The following NR5A2 variants were observed in gnomAD, a reference collection of about 807,000 sequenced individuals.
The protein encoded by NR5A2 is nuclear receptor subfamily 5 group A member 2.
NR5A2 carries 26 observed loss-of-function variants against 62.7 expected under a neutral mutation model. The ratio of observed to expected loss-of-function variants is 0.41; its 90% CI spans 0.30 to 0.58. NR5A2 has a LOEUF of 0.58. Among genes scored for constraint, NR5A2 ranks in the 20% least tolerant of loss-of-function variants. The pLI, the probability that NR5A2 is intolerant of heterozygous loss-of-function variation, is 0.22. For synonymous variants in NR5A2, 246 were observed against 241.7 expected (o/e 1.02, Z -0.16); for missense variants, 541 against 669.1 (o/e 0.81, Z 2.11).
intron 7 of NR5A2, among the ~76,000 whole-genome samples, chr1:200,140,280 T>C (rs768092483): frequency 2.7e-4 from 41 of 152,204 alleles, no homozygotes; most frequent in Non-Finnish European, 1.0e-4. Flanking sequence ...TCTCACTATG[T>C]TGCCCAGGCT....
intron 5 of NR5A2, among the ~76,000 whole-genome samples, chr1:200,082,900 T>C (rs1452069479): frequency 6.6e-6 from 1 of 151,988 alleles, no homozygotes; most frequent in African/African-American, 2.4e-5. Flanking sequence ...AAGCATTTAA[T>C]TTTTTTTCTG....
At chr1:200,037,532 G>A (rs541828290) in intron 1 of NR5A2, among the ~76,000 whole-genome samples, 1 of 152,318 alleles carries the variant, frequency 6.6e-6, no homozygotes, top group East Asian at 1.9e-4. Context: ...GAGCAAAGCA[G>A]GGCAACCACT....
intron 7 of NR5A2, among the ~76,000 whole-genome samples, chr1:200,127,303 C>T (rs1666746067): frequency 6.6e-6 from 1 of 152,086 alleles, no homozygotes; most frequent in Non-Finnish European, 1.5e-5. Context: ...GGGTCCACTT[C>T]TGCTCAAAAT....
chr1:200,086,392 C>T (rs893472774), intron 5 of NR5A2, among the ~76,000 whole-genome samples: 1 of 152,070 alleles, frequency 6.6e-6, no homozygotes, highest in African/African-American at 2.4e-5. Context: ...CAACCTCTGC[C>T]TCCTGGGTTC....
At chr1:200,124,162 T>C (rs1666601760) in intron 7 of NR5A2, among the ~76,000 whole-genome samples, 1 of 152,110 alleles carries the variant, frequency 6.6e-6, no homozygotes, top group South Asian at 2.1e-4. Flanking sequence ...AAACCAGTTA[T>C]AGGTTTCAAG....
chr1:200,072,339 G>A (rs185803450), intron 5 of NR5A2, among the ~76,000 whole-genome samples: 252 of 152,216 alleles, frequency 1.7e-3, no homozygotes, highest in African/African-American at 5.6e-3. Flanking sequence ...GTTATAGTCT[G>A]TTGATTAATA....
intron 7 of NR5A2, among the ~76,000 whole-genome samples, chr1:200,162,319 C>A (rs764887152): frequency 1.3e-5 from 2 of 152,126 alleles, no homozygotes; most frequent in Non-Finnish European, 1.5e-5. Flanking sequence ...ATGATATCTG[C>A]GCTGAGGCCC....
At chr1:200,043,471 T>C (rs1156845393) in intron 2 of NR5A2, among the ~76,000 whole-genome samples, 1 of 152,268 alleles carries the variant, frequency 6.6e-6, no homozygotes, top group Admixed American at 6.5e-5. Context: ...ATGCAATTCA[T>C]GTCTCTATTT....
Position 200,147,330 on chromosome 1 carries a change from A to G in NR5A2, c.1378+26375A>G, listed in dbSNP as rs769105189. ...CTACTGTGCGCTCCTCTCCTCATCCAGCAAAGCTCGGCCTACATGGAGGTT... is the reference window on the plus strand; with the variant it reads ...CTACTGTGCGCTCCTCTCCTCATCCGGCAAAGCTCGGCCTACATGGAGGTT... On this transcript the variant is annotated intron_variant, in intron 7 of 7. Transcript: ENST00000367362. This position sits in a 1 kb window ranked among gnomAD's most constrained non-coding sequence, Gnocchi z 4.9. Among the ~76,000 whole-genome samples the G allele has an allele frequency of 2.7e-4, 41 of 152,142 alleles. 1 individual carries two copies. Among genetic ancestry groups the G allele is most frequent in the Admixed American group, 1.9e-3 (29 of 15,276 alleles).
chr1:200,118,349 G>A (rs1279223971), intron 6 of NR5A2, among the ~76,000 whole-genome samples: 1 of 152,136 alleles, frequency 6.6e-6, no homozygotes, highest in Non-Finnish European at 1.5e-5. Flanking sequence ...AATATACTTT[G>A]TATATATTAA....
intron 5 of NR5A2, among the ~76,000 whole-genome samples, chr1:200,066,342 G>A (rs748346308): frequency 1.9e-4 from 29 of 152,016 alleles, no homozygotes; most frequent in Non-Finnish European, 3.4e-4. Context: ...TGTGGAGAAG[G>A]GGAACCAGAC....
intron 5 of NR5A2, chr1:200,057,592 C>T: frequency 2.9e-6 from 1 of 341,236 alleles, no homozygotes; most frequent in Non-Finnish European, 5.9e-6. Context: ...GATTCGCCTG[C>T]CTCAGCCTCC....
At chr1:200,104,518 T>C (rs917234643) in intron 5 of NR5A2, among the ~76,000 whole-genome samples, 1 of 152,194 alleles carries the variant, frequency 6.6e-6, no homozygotes, top group Non-Finnish European at 1.5e-5. Context: ...CAAACTTCTA[T>C]AAATGTCATC....
intron 2 of NR5A2, among the ~76,000 whole-genome samples, chr1:200,040,871 G>A (rs1329520390): frequency 1.3e-5 from 2 of 152,370 alleles, no homozygotes; most frequent in Non-Finnish European, 2.9e-5. Flanking sequence ...GTAGCTGGAG[G>A]GCGTGCGCCG....
At chr1:200,073,262 TCCC>T (rs1663828814) in intron 5 of NR5A2, among the ~76,000 whole-genome samples, 2 of 71,528 alleles carry the variant, frequency 2.8e-5, no homozygotes, top group African/African-American at 1.4e-4. Flanking sequence ...ATATATATAT[TCCC>T]CTTTATATAT....
chr1:200,101,392 C>T (rs1312450087), intron 5 of NR5A2, among the ~76,000 whole-genome samples: 1 of 152,056 alleles, frequency 6.6e-6, no homozygotes, highest in Non-Finnish European at 1.5e-5. Context: ...CTTTTTCATA[C>T]CAGTGTCAAA....
At chr1:200,074,821 TAAA>T (rs1004939675) in intron 5 of NR5A2, among the ~76,000 whole-genome samples, 2 of 143,686 alleles carry the variant, frequency 1.4e-5, no homozygotes, top group Non-Finnish European at 3.0e-5. Context: ...GGACTGGAAT[TAAA>T]AAAAAAACTT....
chr1:200,176,764 C>T lies in NR5A2; in HGVS notation c.*2554C>T, dbSNP rs1654439654. The T allele has an allele frequency of 6.6e-6, 1 of 152,148 alleles. No individual in the cohort carries two copies. Among genetic ancestry groups the T allele is most frequent in the Non-Finnish European group, 1.5e-5 (1 of 68,036 alleles). The allele number at this position is 152,148 out of a possible 1,614,324, so 9.4% of individuals were successfully genotyped here. On this transcript the variant is annotated 3_prime_UTR_variant, in exon 8 of 8. Coordinates refer to ENST00000367362, the MANE Select transcript of NR5A2 (RefSeq NM_205860.3). ...GCATTCCTCCTGCCTCAGCCTCCCC[C>T]ATAGCTGGGACTAGGGGTGCATGCC...
chr1:200,107,415 G>A (rs1044028841), intron 5 of NR5A2, among the ~76,000 whole-genome samples: 10 of 151,818 alleles, frequency 6.6e-5, no homozygotes, highest in Admixed American at 2.6e-4. Context: ...AATACTTTGC[G>A]AAAGCAGGGA....
Sources: gnomAD v4.1 joint callset for allele counts (sites outside exome capture counted in the v4.1 genomes callset) on GRCh38, gnomAD v4.1.1 for gene constraint, Gnocchi (gnomAD v3.1) non-coding constraint, MANE v1.5 for transcripts, NCBI Gene and HGNC (gene_info 2026-07-23, HGNC 2026-07-21) for gene names.